The following PTPRO variants were observed in gnomAD, a reference collection of about 807,000 sequenced individuals.
The protein encoded by PTPRO is protein tyrosine phosphatase receptor type O.
Under a neutral mutation model 145.2 loss-of-function variants are expected in PTPRO, and 62 were observed. That is an observed-to-expected ratio of 0.43 (90% CI 0.35 to 0.53). The LOEUF (loss-of-function observed/expected upper bound fraction) is 0.53, where lower values mean the gene tolerates loss of function less well. Ranked by LOEUF, PTPRO falls within the 20% of genes least tolerant of loss-of-function variation. The pLI is 0.01. For synonymous variants in PTPRO, 565 were observed against 514.7 expected, an observed-to-expected ratio of 1.10 and a Z score of -1.32; for missense variants, 1,345 against 1,482.7, an observed-to-expected ratio of 0.91 and a Z score of 1.53.
intron 1 of PTPRO, among the ~76,000 whole-genome samples, chr12:15,364,570 T>C (rs1228138485): frequency 6.6e-6 from 1 of 152,154 alleles, no homozygotes; most frequent in East Asian, 1.9e-4. Flanking sequence ...GCCTCTGTAT[T>C]AGTAAAGATG....
chr12:15,436,448 A>G (rs1210283934), intron 1 of PTPRO, among the ~76,000 whole-genome samples: 1 of 152,212 alleles, frequency 6.6e-6, no homozygotes, highest in Non-Finnish European at 1.5e-5. Context: ...CAGCCCTGTG[A>G]TGGCATCCAG....
intron 25 of PTPRO, among the ~76,000 whole-genome samples, chr12:15,590,517 C>T (rs943556070): frequency 6.6e-6 from 1 of 152,268 alleles, no homozygotes; most frequent in East Asian, 1.9e-4. Flanking sequence ...GCTTTTCCTA[C>T]CCAGCACCAC....
At chr12:15,525,980 T>C (rs923745717) in intron 11 of PTPRO, among the ~76,000 whole-genome samples, 162 bp from the exon 12 acceptor site, 2 of 152,206 alleles carry the variant, frequency 1.3e-5, no homozygotes, top group African/African-American at 4.8e-5. Context: ...CTGAGGAATT[T>C]ATAAAATTTT....
intron 12 of PTPRO, among the ~76,000 whole-genome samples, chr12:15,527,875 A>AACCC (rs1942873389): frequency 7.3e-6 from 1 of 137,646 alleles, no homozygotes. Flanking sequence ...GGGAACTGTG[A>AACCC]CCCGCCCACG....
chr12:15,438,223 GA>G (rs199951622), intron 1 of PTPRO, among the ~76,000 whole-genome samples: 22 of 151,840 alleles, frequency 1.4e-4, no homozygotes, highest in African/African-American at 4.8e-4. Flanking sequence ...CTACCTGTAT[GA>G]AAAAAAATAC....
intron 1 of PTPRO, among the ~76,000 whole-genome samples, chr12:15,433,986 A>C (rs1940525475): frequency 1.3e-5 from 2 of 152,174 alleles, no homozygotes; most frequent in South Asian, 2.1e-4. Context: ...AATCCTCCAA[A>C]ATTTTCTGTC....
rs77484563 is a variant in PTPRO, at chr12:15,502,187, G to T, written c.1105+124G>T. ...TTATTAGTCAAAGAATAATGGTAAT[G>T]AAAGGGGAGAATTTAATTGAGTATC... On this transcript the variant is annotated intron_variant, in intron 5 of 26. Transcript: ENST00000281171. 3,753 of 960,532 alleles carry T rather than the reference G, an allele frequency of 3.9e-3. 17 individuals carry two copies. Among genetic ancestry groups the T allele is most frequent in the Admixed American group, 4.3e-3 (180 of 41,528 alleles). 59.5% of individuals were successfully genotyped at this position (960,532 alleles called of 1,614,324 possible).
At chr12:15,486,602 A>T (rs1941892485) in intron 2 of PTPRO, among the ~76,000 whole-genome samples, 1 of 152,108 alleles carries the variant, frequency 6.6e-6, no homozygotes, top group African/African-American at 2.4e-5. Flanking sequence ...AATGCTTTTT[A>T]AAAAGGTGAA....
chr12:15,562,010 G>A (rs1332706211), intron 17 of PTPRO, among the ~76,000 whole-genome samples: 1 of 152,088 alleles, frequency 6.6e-6, no homozygotes, highest in African/African-American at 2.4e-5. Context: ...AACTTATGGG[G>A]AGAAAATACC....
intron 15 of PTPRO, among the ~76,000 whole-genome samples, chr12:15,554,426 A>G (rs1943562023): frequency 6.6e-6 from 1 of 151,516 alleles, no homozygotes; most frequent in Non-Finnish European, 1.5e-5. Context: ...ATATATATAT[A>G]TATCTCCTAT....
intron 1 of PTPRO, among the ~76,000 whole-genome samples, chr12:15,420,261 G>A (rs74936681): frequency 0.015 from 2,218 of 151,552 alleles, 119 homozygotes; most frequent in African/African-American, 0.05. Context: ...AACTTATGGG[G>A]CAGAGCCCTA....
chr12:15,519,463 T>C (rs1223853133), intron 9 of PTPRO, among the ~76,000 whole-genome samples: 4 of 152,228 alleles, frequency 2.6e-5, no homozygotes, highest in African/African-American at 2.4e-5. Flanking sequence ...GATAATTGTG[T>C]GAAGCTAGCT....
chr12:15,479,402 A>G (rs1361108526), intron 1 of PTPRO, among the ~76,000 whole-genome samples: 2 of 152,176 alleles, frequency 1.3e-5, no homozygotes, highest in African/African-American at 4.8e-5. Context: ...AGCCAGCTGG[A>G]CAGACGGCAG....
chr12:15,349,250 T>C (rs1937710063), intron 1 of PTPRO, among the ~76,000 whole-genome samples: 1 of 152,116 alleles, frequency 6.6e-6, no homozygotes, highest in South Asian at 2.1e-4. Context: ...TAATAAATAC[T>C]AGTTTTCCAA....
At chr12:15,569,393 T>C in intron 18 of PTPRO, 24 bp from the exon 19 acceptor site, 1 of 1,564,052 alleles carries the variant, frequency 6.4e-7, no homozygotes, top group South Asian at 1.1e-5. Context: ...AAAATGTATG[T>C]ATATTTCTTT....
chr12:15,590,989 G>A (rs1467129455), intron 25 of PTPRO, among the ~76,000 whole-genome samples: 1 of 152,132 alleles, frequency 6.6e-6, no homozygotes, highest in Non-Finnish European at 1.5e-5. Flanking sequence ...GAATCACCAA[G>A]CTTCAAAGAG....
chr12:15,363,351 G>T (rs1323519775), intron 1 of PTPRO, among the ~76,000 whole-genome samples: 1 of 152,126 alleles, frequency 6.6e-6, no homozygotes, highest in East Asian at 1.9e-4. Context: ...AAGAACAGCT[G>T]TGCAACACTG....
rs750124730 is a variant in PTPRO at position 15,580,808 on chromosome 12, A to T, written c.3109A>T (p.Thr1037Ser). Residue 1037 changes from threonine (T) to serine (S), a missense_variant, in exon 22 of 27, where the codon ACT becomes TCT. By Grantham distance (58) the Thr-to-Ser change is moderately conservative. Around this residue, in one of 3 missense-constraint regions of PTPRO, gnomAD observed 208 missense variants for 242.8 expected, o/e 0.86. Coordinates refer to ENST00000281171, the MANE Select transcript of PTPRO (RefSeq NM_030667.3). ...AAAGTCTCAGATTATTGTCATGCTC[A>T]CTCAGTGTAATGAGAAAAGGAGGGT... ...QQKSQIIVML[T>S]QCNEKRRVKC... 4.3e-6 allele frequency: 7 copies of T among 1,613,944 alleles called. No individual in the cohort carries two copies. Among genetic ancestry groups the T allele is most frequent in the Non-Finnish European group, 5.1e-6 (6 of 1,179,870 alleles).
intron 25 of PTPRO, 62 bp downstream of exon 25, chr12:15,589,652 C>T: frequency 1.3e-6 from 2 of 1,561,196 alleles, no homozygotes; most frequent in Admixed American, 3.3e-5. Context: ...TACCATTATT[C>T]AATGATATGC....
Sources: gnomAD v4.1 joint callset for allele counts (sites outside exome capture counted in the v4.1 genomes callset) on GRCh38, gnomAD v4.1.1 for gene constraint, gnomAD v4.1.1 regional missense constraint, MANE v1.5 for transcripts, NCBI Gene and HGNC (gene_info 2026-07-23, HGNC 2026-07-21) for gene names.